Variants in COL6A6 observed in about 807,000 individuals in gnomAD.
COL6A6 encodes the protein collagen alpha-6(VI) chain.
COL6A6 carries 183 observed loss-of-function variants against 208.6 expected under a neutral mutation model. The observed-to-expected ratio is 0.88, with a 90% CI of 0.78 to 0.99. The LOEUF (loss-of-function observed/expected upper bound fraction) is 0.99, where lower values mean the gene tolerates loss of function less well. Among genes scored for constraint, COL6A6 ranks in the 50% least tolerant of loss-of-function variants. The pLI, the probability that COL6A6 is intolerant of heterozygous loss-of-function variation, is 0.00. For synonymous variants in COL6A6, 973 were observed against 1,011.8 expected (o/e 0.96, Z 0.73); for missense variants, 2,816 against 2,815.2 (o/e 1.00, Z -0.01).
At chr3:130,551,800 T>C (rs972497166) in intron 1 of COL6A6, among the ~76,000 whole-genome samples, 15 of 152,324 alleles carry the variant, frequency 9.8e-5, no homozygotes, top group African/African-American at 3.6e-4. Context: ...TGTTTAGTGC[T>C]ATAAACCTCC....
rs2065948843 is a variant in COL6A6 at position 130,662,056 on chromosome 3, G to C, written c.6250G>C (p.Val2084Leu). 6.2e-7 allele frequency: 1 copy of C among 1,614,054 alleles called. No homozygotes were observed. The highest frequency in any genetic ancestry group is 2.2e-5 in the East Asian group (1 of 44,896). Residue 2084 changes from valine to leucine, a missense_variant, in exon 35 of 37, where the codon GTC becomes CTC. Physicochemically the swap from Val to Leu is conservative, Grantham distance 32 (BLOSUM62 1). Transcript: ENST00000358511. ...LSTPNLRRNK[V>L]IFVISAGETS... Reference sequence around the variant, plus strand: ...TACACCCAATCTGAGAAGAAACAAAGTCATATTTGTGATATCTGCTGGGGA... The same window carrying C: ...TACACCCAATCTGAGAAGAAACAAACTCATATTTGTGATATCTGCTGGGGA...
rs114757772 is a variant in COL6A6 at position 130,615,978 on chromosome 3, G to A, written c.4815+5267G>A. 5.6e-3 allele frequency among the ~76,000 whole-genome samples: 855 copies of A among 152,208 alleles called. 12 individuals carry two copies. The highest frequency in any genetic ancestry group is 0.019 in the African/African-American group (800 of 41,544). Reference sequence around the variant, plus strand: ...AAGGTACCACTTCTCTCTAGTCTACGTCTACCATTTTTCTGACTGGAAAAC... The same window carrying A: ...AAGGTACCACTTCTCTCTAGTCTACATCTACCATTTTTCTGACTGGAAAAC... On this transcript the variant is annotated intron_variant, in intron 23 of 36. Transcript: ENST00000358511.
chr3:130,590,660 C>A (rs376114987), intron 12 of COL6A6, among the ~76,000 whole-genome samples: 1 of 151,956 alleles, frequency 6.6e-6, no homozygotes, highest in East Asian at 1.9e-4. Flanking sequence ...CTCCGCCTCC[C>A]GGGTTCACGC....
intron 33 of COL6A6, among the ~76,000 whole-genome samples, chr3:130,650,447 C>A (rs1204610513): frequency 6.6e-6 from 1 of 152,126 alleles, no homozygotes; most frequent in East Asian, 1.9e-4. Context: ...ACGGTGAAAC[C>A]CCGTCTCTAC....
rs1355204340 is a variant in COL6A6 at position 130,590,484 on chromosome 3, CT to C, written c.4219-556del. ...CCTCCCCCCACCCCACGACAGGCCCCTGTGTGTGATGTTCCCCTTCCTGTGT... is the reference window on the plus strand; with the variant it reads ...CCTCCCCCCACCCCACGACAGGCCCCGTGTGTGATGTTCCCCTTCCTGTGT... On this transcript the variant is annotated intron_variant, in intron 12 of 36. Coordinates refer to ENST00000358511, the MANE Select transcript of COL6A6 (RefSeq NM_001102608.3). Among the ~76,000 whole-genome samples the C allele has an allele frequency of 2.3e-3, 272 of 120,762 alleles. 3 individuals carry two copies. The highest frequency in any genetic ancestry group is 7.7e-3 in the African/African-American group (253 of 32,668). 79.2% of individuals were successfully genotyped at this position (120,762 alleles called of 152,430 possible).
intron 33 of COL6A6, among the ~76,000 whole-genome samples, chr3:130,653,980 A>G (rs2065717850): frequency 6.6e-6 from 1 of 152,240 alleles, no homozygotes; most frequent in African/African-American, 2.4e-5. Context: ...AGCAGGGACC[A>G]ACACCAGAAA....
rs74762982 is a variant in COL6A6 at position 130,575,789 on chromosome 3, G to A, written c.3547+1264G>A. On this transcript the variant is annotated intron_variant, in intron 8 of 36. Transcript: ENST00000358511. ...AATTGGTTTTCTCTGAAAATAGCCC[G>A]TGTCTAAAGCTGGGTCCATTCATAG... Among the ~76,000 whole-genome samples the A allele has an allele frequency of 5.3e-3, 814 of 152,242 alleles. 20 individuals are homozygous for A. The highest frequency in any genetic ancestry group is 0.035 in the Admixed American group (540 of 15,292).
At chr3:130,567,827 T>C (rs1240164939) in intron 5 of COL6A6, among the ~76,000 whole-genome samples, 1 of 152,352 alleles carries the variant, frequency 6.6e-6, no homozygotes, top group Non-Finnish European at 1.5e-5. Context: ...AAGATGTCAA[T>C]GGTGCTGAGG....
At chr3:130,616,139 A>G (rs1193547515) in intron 23 of COL6A6, among the ~76,000 whole-genome samples, 2 of 152,174 alleles carry the variant, frequency 1.3e-5, no homozygotes, top group Admixed American at 1.3e-4. Context: ...TGTCCAAAAG[A>G]AAGCCACAGA....
intron 1 of COL6A6, among the ~76,000 whole-genome samples, chr3:130,558,465 T>C (rs1235364326): frequency 6.6e-6 from 1 of 152,224 alleles, no homozygotes; most frequent in Admixed American, 6.5e-5. Flanking sequence ...AAGATGCTAA[T>C]CCAGAGAACT....
chr3:130,649,669 T>TA (rs1018033150), intron 33 of COL6A6, 107 bp downstream of exon 33: 51 of 1,238,814 alleles, frequency 4.1e-5, no homozygotes, highest in Admixed American at 8.6e-5. Flanking sequence ...TTAGGAAGTT[T>TA]AAAAAATTCT....
In COL6A6 at chr3:130,554,737, T is replaced by C. The variant is rs368015327; in HGVS notation, c.-31-5597T>C. On this transcript the variant is annotated intron_variant, in intron 1 of 36. Coordinates refer to ENST00000358511, the MANE Select transcript of COL6A6 (RefSeq NM_001102608.3). Reference sequence around the variant, plus strand: ...GGTGAGGTCTTCTCATGTGCATGCATGTTGGCAAAGTGATGCAGGGGGTGG... The same window carrying C: ...GGTGAGGTCTTCTCATGTGCATGCACGTTGGCAAAGTGATGCAGGGGGTGG... Among the ~76,000 whole-genome samples the C allele has an allele frequency of 1.1e-4, 16 of 152,086 alleles. 1 individual carries two copies. In the East Asian group the frequency reaches 1.3e-3, roughly 13 times the overall value.
chr3:130,593,259 A>G lies in COL6A6; in HGVS notation c.4470+7A>G. 1 of 1,607,374 alleles carries G rather than the reference A, an allele frequency of 6.2e-7. No individual in the cohort carries two copies. The highest frequency in any genetic ancestry group is 8.5e-7 in the Non-Finnish European group (1 of 1,173,972). ...GGGAGATGAGGGATCTCAGGTAGGG[A>G]TTTGAAAAGGAAGAACATAAAAATT... On this transcript the variant is annotated splice_region_variant and intron_variant, in intron 17 of 36. Coordinates refer to ENST00000358511, the MANE Select transcript of COL6A6 (RefSeq NM_001102608.3).
chr3:130,668,806 T>A (rs2108485318), intron 36 of COL6A6, among the ~76,000 whole-genome samples: 1 of 152,198 alleles, frequency 6.6e-6, no homozygotes, highest in South Asian at 2.1e-4. Flanking sequence ...AAATTCGAGA[T>A]TTCAGTATAC....
Position 130,675,511 on chromosome 3 carries a change from AC to A in COL6A6, c.*119del. On this transcript the variant is annotated 3_prime_UTR_variant, in exon 37 of 37. Transcript: ENST00000358511. ...AGTTTGTAGGTTATCAGGTGACTTG[AC>A]CCCCTGCATTCATTGGTATTAAGAT... is the stretch of plus-strand genomic sequence containing the variant. 2 of 703,186 alleles carry A rather than the reference AC, an allele frequency of 2.8e-6. No individual in the cohort carries two copies. Among genetic ancestry groups the A allele is most frequent in the Non-Finnish European group, 2.3e-6 (1 of 432,800 alleles). 43.6% of individuals were successfully genotyped at this position (703,186 alleles called of 1,614,324 possible). A position where few individuals can be genotyped will look rare whatever the true frequency, so the allele number is the denominator to read the frequency against.
chr3:130,611,986 A>C (rs1328738528), intron 23 of COL6A6, among the ~76,000 whole-genome samples: 1 of 151,754 alleles, frequency 6.6e-6, no homozygotes, highest in African/African-American at 2.4e-5. Context: ...CTTTGTGTCC[A>C]TGTGTTCTTG....
intron 1 of COL6A6, among the ~76,000 whole-genome samples, chr3:130,529,899 G>A (rs1307394046): frequency 6.6e-6 from 1 of 152,200 alleles, no homozygotes; most frequent in Non-Finnish European, 1.5e-5. Context: ...CACGAACTCA[G>A]TCCCCCTCCT....
At chr3:130,623,941 TAAG>T (rs999679013) in intron 24 of COL6A6, among the ~76,000 whole-genome samples, 10 of 151,898 alleles carry the variant, frequency 6.6e-5, no homozygotes, top group African/African-American at 2.4e-4. Context: ...AAAGAAAAGT[TAAG>T]GAGGGGAGGA....
At chr3:130,576,456 T>G (rs1053881276) in intron 8 of COL6A6, among the ~76,000 whole-genome samples, 35 of 152,212 alleles carry the variant, frequency 2.3e-4, no homozygotes, top group African/African-American at 8.4e-4. Flanking sequence ...CTTCACATAC[T>G]TTGGAATGTA....
Sources: allele counts gnomAD v4.1 joint callset (sites outside exome capture counted in the v4.1 genomes callset), GRCh38; gene constraint gnomAD v4.1.1; transcripts MANE v1.5; gene names NCBI Gene and HGNC (gene_info 2026-07-23, HGNC 2026-07-21).